The following SYT10 variants were observed in gnomAD, a reference collection of about 807,000 sequenced individuals.
The protein encoded by SYT10 is synaptotagmin 10.
In SYT10, 31 loss-of-function variants were observed where a neutral mutation model predicts 51.1. The observed-to-expected ratio is 0.61, with a 90% CI of 0.46 to 0.82. The LOEUF (loss-of-function observed/expected upper bound fraction) is 0.82. Ranked by LOEUF, SYT10 falls within the 40% of genes least tolerant of loss-of-function variation. The pLI, the probability that SYT10 is intolerant of heterozygous loss-of-function variation, is 0.00. For missense variants in SYT10, 603 were observed against 634.0 expected (o/e 0.95, Z 0.53); for synonymous variants, 233 against 225.9 (o/e 1.03, Z -0.28).
chr12:33,423,489 T>G (rs1866523598), intron 2 of SYT10, among the ~76,000 whole-genome samples: 1 of 152,128 alleles, frequency 6.6e-6, no homozygotes, highest in South Asian at 2.1e-4. Context: ...CAATTTCCTC[T>G]TCCTCTCTCT....
chr12:33,438,244 T>A (rs1866653924), intron 1 of SYT10, among the ~76,000 whole-genome samples: 1 of 152,134 alleles, frequency 6.6e-6, no homozygotes, highest in Non-Finnish European at 1.5e-5. Flanking sequence ...CTGACTACCT[T>A]CAACTCTTAA....
intron 2 of SYT10, among the ~76,000 whole-genome samples, chr12:33,410,794 C>T (rs1866398529): frequency 6.6e-6 from 1 of 151,758 alleles, no homozygotes; most frequent in Non-Finnish European, 1.5e-5. Flanking sequence ...AAAATAATGT[C>T]AAATACAATT....
At chr12:33,396,333 A>T (rs999147877) in intron 3 of SYT10, among the ~76,000 whole-genome samples, 1 of 152,192 alleles carries the variant, frequency 6.6e-6, no homozygotes, top group African/African-American at 2.4e-5. Context: ...AAGCATGCAA[A>T]CTTATAACAG....
At chr12:33,426,546 G>T in intron 1 of SYT10, 51 bp from the exon 2 acceptor site, 1 of 1,376,168 alleles carries the variant, frequency 7.3e-7, no homozygotes, top group Non-Finnish European at 9.7e-7. Context: ...ACATAAAAAA[G>T]CAGAAATGGA....
chr12:33,383,605 G>C (rs1358741259), intron 4 of SYT10, among the ~76,000 whole-genome samples: 11 of 152,162 alleles, frequency 7.2e-5, no homozygotes, highest in Non-Finnish European at 1.5e-5. Flanking sequence ...CTAAGGAGAA[G>C]CTCATTTCTG....
chr12:33,397,789 G>A (rs1173786757), intron 3 of SYT10, among the ~76,000 whole-genome samples: 1 of 152,062 alleles, frequency 6.6e-6, no homozygotes, highest in African/African-American at 2.4e-5. Context: ...TCCCAAGGAA[G>A]AGAATATGAA....
At chr12:33,404,372 C>A (rs1030875061) in intron 3 of SYT10, among the ~76,000 whole-genome samples, 2 of 152,100 alleles carry the variant, frequency 1.3e-5, no homozygotes, top group Non-Finnish European at 2.9e-5. Flanking sequence ...TTAGTAAAAT[C>A]CATGTCAGAT....
chr12:33,429,380 A>C (rs1277059590), intron 1 of SYT10, among the ~76,000 whole-genome samples: 1 of 152,238 alleles, frequency 6.6e-6, no homozygotes, highest in Non-Finnish European at 1.5e-5. Flanking sequence ...GAAGAGCATG[A>C]GAAAAGTTTG....
rs778542237 is a variant in SYT10, at chr12:33,379,964, A to G, written c.1371-3T>C. ...CTATGACCTCATTGTGTCCTACCCT[A>G]TGATTTGTGGGATATTATATTTTCA... On this transcript the variant is annotated splice_region_variant and splice_polypyrimidine_tract_variant and intron_variant, in intron 5 of 6. Coordinates refer to ENST00000228567, the MANE Select transcript of SYT10 (RefSeq NM_198992.4). 1.2e-5 allele frequency: 19 copies of G among 1,597,790 alleles called. No homozygotes were observed. The highest frequency in any genetic ancestry group is 8.1e-5 in the African/African-American group (6 of 74,450).
chr12:33,408,230 C>T (rs1866376150), intron 2 of SYT10: 1 of 152,074 alleles, frequency 6.6e-6, no homozygotes, highest in Non-Finnish European at 1.5e-5. Flanking sequence ...TAACTAAATA[C>T]ATATTTACTT....
intron 1 of SYT10, among the ~76,000 whole-genome samples, chr12:33,436,651 G>A (rs1040768218): frequency 6.6e-6 from 1 of 152,106 alleles, no homozygotes; most frequent in African/African-American, 2.4e-5. Context: ...ACTGGCATTT[G>A]CAAAACCCGT....
Position 33,379,825 on chromosome 12 carries a change from A to G in SYT10, c.1500+7T>C. ...AAAGAGCAGACGTAAGGAACTCACA[A>G]GCTTACCTCCAGCAATGGGTGCCAG... is the stretch of plus-strand genomic sequence containing the variant. On this transcript the variant is annotated splice_region_variant and intron_variant, in intron 6 of 6. Transcript: ENST00000228567. 6.2e-7 allele frequency: 1 copy of G among 1,613,754 alleles called. No individual in the cohort carries two copies. The highest frequency in any genetic ancestry group is 1.1e-5 in the South Asian group (1 of 91,046).
intron 2 of SYT10, among the ~76,000 whole-genome samples, chr12:33,420,785 T>A (rs1395565596): frequency 6.6e-6 from 1 of 152,170 alleles, no homozygotes; most frequent in Non-Finnish European, 1.5e-5. Flanking sequence ...GTTCAAAGAG[T>A]CATCTCTTTT....
chr12:33,383,674 A>G (rs1347862875), intron 4 of SYT10, among the ~76,000 whole-genome samples: 1 of 152,160 alleles, frequency 6.6e-6, no homozygotes, highest in Non-Finnish European at 1.5e-5. Flanking sequence ...AGTGAGAATG[A>G]GAGGCATAGA....
chr12:33,403,306 C>G lies in SYT10; in HGVS notation c.1077+3483G>C, dbSNP rs148242345. 7.0e-3 allele frequency among the ~76,000 whole-genome samples: 1,044 copies of G among 148,548 alleles called. 10 individuals carry two copies. Among genetic ancestry groups the G allele is most frequent in the African/African-American group, 0.024 (963 of 40,464 alleles). ...GGTGTGTAGTGGTGCCATCTTGGTT[C>G]ACTGTAGCCTCCACCTCCTAGTTCA... On this transcript the variant is annotated intron_variant, in intron 3 of 6. Coordinates refer to ENST00000228567, the MANE Select transcript of SYT10 (RefSeq NM_198992.4).
chr12:33,426,020 T>C (rs1262235716), intron 2 of SYT10, 118 bp downstream of exon 2: 6 of 1,031,424 alleles, frequency 5.8e-6, no homozygotes, highest in Middle Eastern at 2.4e-4. Context: ...TTTCTCCTGT[T>C]TCTCTTTTCT....
chr12:33,396,698 T>C (rs1866258882), intron 3 of SYT10, among the ~76,000 whole-genome samples: 1 of 152,040 alleles, frequency 6.6e-6, no homozygotes, highest in African/African-American at 2.4e-5. Flanking sequence ...TTTTTTTTTT[T>C]TTTTGAGATG....
intron 3 of SYT10, chr12:33,405,376 G>A (rs1866343872): frequency 2.0e-5 from 3 of 152,032 alleles, no homozygotes; most frequent in Admixed American, 2.0e-4. Context: ...GAAATCAAAA[G>A]AGCCCCACTG....
At chr12:33,401,705 T>TA (rs1866308183) in intron 3 of SYT10, among the ~76,000 whole-genome samples, 1 of 152,194 alleles carries the variant, frequency 6.6e-6, no homozygotes, top group Non-Finnish European at 1.5e-5. Flanking sequence ...AAAGTACACC[T>TA]AAGCATATCC....
Sources: gnomAD v4.1 joint callset for allele counts (sites outside exome capture counted in the v4.1 genomes callset) on GRCh38, gnomAD v4.1.1 for gene constraint, MANE v1.5 for transcripts, NCBI Gene and HGNC (gene_info 2026-07-23, HGNC 2026-07-21) for gene names.